RABGAP1L: variants seen among roughly 807,000 people sequenced by gnomAD.
RABGAP1L encodes RAB GTPase activating protein 1 like, also known as rab GTPase-activating protein 1-like.
A neutral mutation model predicts 137.7 loss-of-function variants in RABGAP1L; 63 were observed. That is an observed-to-expected ratio of 0.46 (90% CI 0.37 to 0.56). The LOEUF is 0.56. Among genes scored for constraint, RABGAP1L ranks in the 20% least tolerant of loss-of-function variants. The pLI, the probability that RABGAP1L is intolerant of heterozygous loss-of-function variation, is 0.00. For synonymous variants in RABGAP1L, 431 were observed against 433.7 expected (o/e 0.99, Z 0.08); for missense variants, 1,095 against 1,244.0 (o/e 0.88, Z 1.80).
At chr1:174,582,416 A>G (rs1024726377) in intron 13 of RABGAP1L, among the ~76,000 whole-genome samples, 1 of 152,162 alleles carries the variant, frequency 6.6e-6, no homozygotes, top group African/African-American at 2.4e-5. Flanking sequence ...GGCAAGAGGT[A>G]TTCTGGAGCC....
At chr1:174,861,019 A>G (rs1435366080) in intron 19 of RABGAP1L, among the ~76,000 whole-genome samples, 1 of 152,142 alleles carries the variant, frequency 6.6e-6, no homozygotes, top group Non-Finnish European at 1.5e-5. Context: ...ACTTGTAGTC[A>G]CCATACTGTA....
intron 19 of RABGAP1L, among the ~76,000 whole-genome samples, chr1:174,859,989 A>G (rs1405863205): frequency 6.9e-6 from 1 of 144,042 alleles, no homozygotes; most frequent in Non-Finnish European, 1.5e-5. Context: ...AAATAAAGTA[A>G]GAGCCTCACT....
At chr1:174,289,747 A>G (rs1196129184) in intron 10 of RABGAP1L, among the ~76,000 whole-genome samples, 1 of 152,040 alleles carries the variant, frequency 6.6e-6, no homozygotes, top group East Asian at 1.9e-4. Flanking sequence ...CCGTTGCTCT[A>G]AGGTTGGGTG....
At chr1:174,930,137 C>G (rs1236408744) in intron 19 of RABGAP1L, among the ~76,000 whole-genome samples, 1 of 151,626 alleles carries the variant, frequency 6.6e-6, no homozygotes, top group African/African-American at 2.4e-5. Flanking sequence ...GTGTGAACTA[C>G]CATGGCTGGC....
intron 19 of RABGAP1L, among the ~76,000 whole-genome samples, chr1:174,819,715 T>C (rs557168172): frequency 2.0e-5 from 3 of 152,170 alleles, no homozygotes; most frequent in Non-Finnish European, 4.4e-5. Flanking sequence ...AGTTTGACTG[T>C]ACTTCAGAGA....
intron 13 of RABGAP1L, among the ~76,000 whole-genome samples, chr1:174,526,477 T>A (rs751821048): frequency 3.3e-5 from 5 of 152,180 alleles, no homozygotes; most frequent in Non-Finnish European, 7.4e-5. Context: ...CCGGCTTTTC[T>A]TTGTTGGGAG....
At chr1:174,444,177 C>T (rs1336296858) in intron 13 of RABGAP1L, among the ~76,000 whole-genome samples, 1 of 149,194 alleles carries the variant, frequency 6.7e-6, no homozygotes, top group Non-Finnish European at 1.5e-5. Context: ...TAGTTCCATA[C>T]AAATTTTAGG....
intron 15 of RABGAP1L, among the ~76,000 whole-genome samples, chr1:174,696,493 G>T (rs1044970949): frequency 6.6e-6 from 1 of 152,170 alleles, no homozygotes; most frequent in Admixed American, 6.5e-5. Flanking sequence ...CTTGCCGGAA[G>T]ATTGTAATAC....
intron 11 of RABGAP1L, among the ~76,000 whole-genome samples, chr1:174,307,588 A>T (rs1224778778): frequency 2.0e-5 from 3 of 152,158 alleles, no homozygotes; most frequent in African/African-American, 7.2e-5. Flanking sequence ...TCTTTCACTT[A>T]GCACAGTGTT....
At chr1:174,577,210 T>TACACACAC (rs67709003) in intron 13 of RABGAP1L, among the ~76,000 whole-genome samples, 69 of 127,080 alleles carry the variant, frequency 5.4e-4, no homozygotes, top group African/African-American at 9.0e-4. Flanking sequence ...GGGGAAAAAA[T>TACACACAC]ACACACACAC....
At chr1:174,675,114 T>C (rs1158399143) in intron 14 of RABGAP1L, among the ~76,000 whole-genome samples, 1 of 152,182 alleles carries the variant, frequency 6.6e-6, no homozygotes, top group Non-Finnish European at 1.5e-5. Flanking sequence ...TTGTCAATTT[T>C]GGCTTTTGTT....
chr1:174,723,449 G>A (rs770988383), intron 17 of RABGAP1L, among the ~76,000 whole-genome samples: 7 of 152,182 alleles, frequency 4.6e-5, no homozygotes, highest in Non-Finnish European at 8.8e-5. Flanking sequence ...ACTGAGAGTA[G>A]TGATATGTTG....
intron 1 of RABGAP1L, among the ~76,000 whole-genome samples, chr1:174,162,035 ATTT>A: frequency 7.1e-6 from 1 of 141,532 alleles, no homozygotes; most frequent in African/African-American, 2.5e-5. Flanking sequence ...TGCTTGTCCC[ATTT>A]TTTTTTTTTT....
intron 11 of RABGAP1L, among the ~76,000 whole-genome samples, chr1:174,349,333 T>C (rs565918170): frequency 0.2 from 9,824 of 48,974 alleles, 726 homozygotes; most frequent in African/African-American, 0.29. Flanking sequence ...ACCTCCCGGA[T>C]GGGGCCACTG....
At chr1:174,639,243 A>G (rs949049359) in intron 14 of RABGAP1L, among the ~76,000 whole-genome samples, 2 of 152,088 alleles carry the variant, frequency 1.3e-5, no homozygotes, top group Non-Finnish European at 2.9e-5. Context: ...CTGATTAGAA[A>G]TCTATTTTTA....
At chr1:174,723,548 GTTTATATAATAAATGAGTGAAGTC>G (rs1362267349) in intron 17 of RABGAP1L, among the ~76,000 whole-genome samples, 2 of 152,114 alleles carry the variant, frequency 1.3e-5, no homozygotes, top group African/African-American at 4.8e-5. Context: ...AGTAGTCACT[GTTTATATAATAAATGAGTGAAGTC>G]TTCTGTGATG....
rs1379625947 is a variant in RABGAP1L at position 174,210,675 on chromosome 1, TA to T, written c.-33-8449del. ...TAGAGAAAGATATGGGTAGAAAGTTTATTCAAAGGGGTAATAACAGAGAACT... is the reference window on the plus strand; with the variant it reads ...TAGAGAAAGATATGGGTAGAAAGTTTTTCAAAGGGGTAATAACAGAGAACT... On this transcript the variant is annotated intron_variant, in intron 1 of 25. Transcript: ENST00000681986. Among the ~76,000 whole-genome samples the T allele has an allele frequency of 2.6e-5, 4 of 152,248 alleles. No homozygotes were observed. In the East Asian group the frequency reaches 7.7e-4, roughly 29 times the overall value.
intron 19 of RABGAP1L, among the ~76,000 whole-genome samples, chr1:174,892,179 TTG>T (rs1329271314): frequency 1.3e-5 from 2 of 152,170 alleles, no homozygotes; most frequent in Non-Finnish European, 2.9e-5. Context: ...AGCACTCGGG[TTG>T]GGCCGGATGA....
intron 11 of RABGAP1L, among the ~76,000 whole-genome samples, chr1:174,322,547 T>G (rs1019644881): frequency 6.6e-6 from 1 of 152,048 alleles, no homozygotes; most frequent in African/African-American, 2.4e-5. Context: ...GTTGTCCTTA[T>G]GATATAATGT....
Sources: allele counts gnomAD v4.1 joint callset (sites outside exome capture counted in the v4.1 genomes callset), GRCh38; gene constraint gnomAD v4.1.1; transcripts MANE v1.5; gene names NCBI Gene and HGNC (gene_info 2026-07-23, HGNC 2026-07-21).